Variants in CNTN5 observed in about 807,000 individuals in gnomAD.
The protein encoded by CNTN5 is contactin 5, also known as contactin-5.
A neutral mutation model predicts 129.1 loss-of-function variants in CNTN5; 77 were observed. That is an observed-to-expected ratio of 0.60 (90% CI 0.50 to 0.72). CNTN5 has a LOEUF of 0.72. Among genes scored for constraint, CNTN5 ranks in the 30% least tolerant of loss-of-function variants. CNTN5 has a pLI of 0.00. For synonymous variants in CNTN5, 509 were observed against 465.6 expected, an observed-to-expected ratio of 1.09 and a Z score of -1.20; for missense variants, 1,478 against 1,328.8, an observed-to-expected ratio of 1.11 and a Z score of -1.75.
intron 9 of CNTN5, 122 bp from the exon 10 acceptor site, chr11:100,061,090 G>A: frequency 1.5e-6 from 1 of 680,460 alleles, no homozygotes; most frequent in South Asian, 3.9e-5. Context: ...CCAGCACATG[G>A]TCCTTAATTG....
At chr11:99,650,323 T>A (rs1952106904) in intron 3 of CNTN5, among the ~76,000 whole-genome samples, 1 of 151,822 alleles carries the variant, frequency 6.6e-6, no homozygotes. Context: ...ATTCAGAAAG[T>A]GTTTTGGTAG....
intron 3 of CNTN5, among the ~76,000 whole-genome samples, chr11:99,805,079 G>A (rs998008328): frequency 1.6e-4 from 24 of 152,092 alleles, no homozygotes; most frequent in African/African-American, 5.8e-4. Flanking sequence ...TCGACAAAGA[G>A]AGTCTTTCTC....
chr11:100,164,868 A>G (rs929117290), intron 13 of CNTN5, among the ~76,000 whole-genome samples: 2 of 151,862 alleles, frequency 1.3e-5, no homozygotes, highest in African/African-American at 4.8e-5. Flanking sequence ...CTAATTTGTA[A>G]AAGAGATTGA....
At chr11:99,978,099 T>C (rs893465345) in intron 8 of CNTN5, among the ~76,000 whole-genome samples, 6 of 152,186 alleles carry the variant, frequency 3.9e-5, no homozygotes, top group African/African-American at 1.4e-4. Context: ...CTGTGTAGGC[T>C]AGGCTAATTT....
intron 1 of CNTN5, among the ~76,000 whole-genome samples, chr11:99,116,058 T>A (rs1281051932): frequency 6.6e-6 from 1 of 152,186 alleles, no homozygotes; most frequent in Non-Finnish European, 1.5e-5. Flanking sequence ...CATGATCAAC[T>A]TTCCCTCCAG....
intron 8 of CNTN5, among the ~76,000 whole-genome samples, chr11:100,000,748 G>T (rs1005797147): frequency 1.3e-5 from 2 of 152,180 alleles, no homozygotes; most frequent in African/African-American, 4.8e-5. Context: ...GGACATCTAG[G>T]TGTTTCCATA....
intron 8 of CNTN5, among the ~76,000 whole-genome samples, chr11:99,965,938 C>T (rs1483474161): frequency 6.6e-6 from 1 of 152,148 alleles, no homozygotes; most frequent in Non-Finnish European, 1.5e-5. Context: ...ACATATTAAA[C>T]ACTTGTTCTG....
chr11:100,141,989 C>CA (rs1232022575), intron 13 of CNTN5, among the ~76,000 whole-genome samples: 1 of 151,772 alleles, frequency 6.6e-6, no homozygotes, highest in Non-Finnish European at 1.5e-5. Flanking sequence ...CTGGATAGAA[C>CA]AAAAAAGCAG....
intron 3 of CNTN5, among the ~76,000 whole-genome samples, chr11:99,711,465 T>A (rs1287162561): frequency 6.6e-6 from 1 of 151,680 alleles, no homozygotes. Context: ...TTTACTCTCT[T>A]ATACATCGTT....
chr11:99,158,391 C>A (rs1464408118), intron 1 of CNTN5, among the ~76,000 whole-genome samples: 2 of 152,126 alleles, frequency 1.3e-5, no homozygotes. Context: ...TCTTGTTTTG[C>A]TTACCTCTGT....
chr11:99,085,266 C>T (rs576888097), intron 1 of CNTN5, among the ~76,000 whole-genome samples: 113 of 152,000 alleles, frequency 7.4e-4, no homozygotes, highest in African/African-American at 2.7e-3. Context: ...GGGTGGTTCT[C>T]GAACTCCTGA....
chr11:100,281,996 ATTTT>A (rs34162956), intron 18 of CNTN5, among the ~76,000 whole-genome samples: 6 of 123,148 alleles, frequency 4.9e-5, no homozygotes, highest in Admixed American at 8.0e-5. Flanking sequence ...TTGGCATTCT[ATTTT>A]TTTTTTTTTT....
intron 1 of CNTN5, among the ~76,000 whole-genome samples, chr11:99,279,417 T>C (rs916960577): frequency 2.6e-5 from 4 of 151,836 alleles, no homozygotes; most frequent in East Asian, 1.9e-4. Context: ...TAAGACAGAC[T>C]AATCAATCTA....
chr11:99,477,465 T>G (rs970383275), intron 2 of CNTN5, among the ~76,000 whole-genome samples: 28 of 152,002 alleles, frequency 1.8e-4, no homozygotes, highest in African/African-American at 6.8e-4. Flanking sequence ...TCTTCTGGCT[T>G]TCACCATATT....
intron 3 of CNTN5, among the ~76,000 whole-genome samples, chr11:99,765,507 A>C (rs1944722887): frequency 6.6e-6 from 1 of 151,922 alleles, no homozygotes; most frequent in Non-Finnish European, 1.5e-5. Context: ...TTTGATATAG[A>C]AGATTAAAAA....
intron 1 of CNTN5, among the ~76,000 whole-genome samples, chr11:99,052,761 T>C (rs981758721): frequency 1.3e-5 from 2 of 151,896 alleles, no homozygotes; most frequent in African/African-American, 4.8e-5. Flanking sequence ...AAAGTATTGA[T>C]ACATGTAATA....
intron 13 of CNTN5, among the ~76,000 whole-genome samples, chr11:100,082,185 A>G (rs1404270055): frequency 6.6e-6 from 1 of 152,250 alleles, no homozygotes; most frequent in Admixed American, 6.5e-5. Context: ...AAAAGCTGAA[A>G]GCATTCTAAA....
At chr11:99,437,576 C>T (rs887268998) in intron 2 of CNTN5, among the ~76,000 whole-genome samples, 2 of 152,064 alleles carry the variant, frequency 1.3e-5, no homozygotes, top group African/African-American at 4.8e-5. Flanking sequence ...GCCTGTAATC[C>T]CAGCACTTTG....
chr11:99,850,658 T>C (rs958674214), intron 6 of CNTN5, among the ~76,000 whole-genome samples: 8 of 152,068 alleles, frequency 5.3e-5, no homozygotes, highest in Non-Finnish European at 1.0e-4. Flanking sequence ...TCAAGATACA[T>C]GTGTAATAAA....
Sources: gnomAD v4.1 joint callset for allele counts (sites outside exome capture counted in the v4.1 genomes callset) on GRCh38, gnomAD v4.1.1 for gene constraint, MANE v1.5 for transcripts, NCBI Gene and HGNC (gene_info 2026-07-23, HGNC 2026-07-21) for gene names.